MAML2: variants seen among roughly 807,000 people sequenced by gnomAD.
MAML2 encodes the protein mastermind-like protein 2.
MAML2 carries 22 observed loss-of-function variants against 96.1 expected under a neutral mutation model. The observed-to-expected ratio is 0.23, with a 90% CI of 0.16 to 0.33. The LOEUF is 0.33. Among genes scored for constraint, MAML2 ranks in the 10% least tolerant of loss-of-function variants. The pLI, the probability that MAML2 is intolerant of heterozygous loss-of-function variation, is 1.00. For missense variants in MAML2, 1,367 were observed against 1,392.4 expected, an observed-to-expected ratio of 0.98 and a Z score of 0.29; for synonymous variants, 561 against 521.3, an observed-to-expected ratio of 1.08 and a Z score of -1.04.
intron 1 of MAML2, among the ~76,000 whole-genome samples, chr11:96,189,610 A>G (rs969781569): frequency 6.6e-6 from 1 of 152,228 alleles, no homozygotes; most frequent in Non-Finnish European, 1.5e-5. Context: ...AGATTTACTC[A>G]TTCATGTCAT....
At chr11:96,258,917 G>A (rs1028966164) in intron 1 of MAML2, among the ~76,000 whole-genome samples, 2 of 152,156 alleles carry the variant, frequency 1.3e-5, no homozygotes, top group African/African-American at 2.4e-5. Context: ...TATACAGGAA[G>A]CTGTAGAAGG....
In MAML2 at chr11:96,342,057, G is replaced by T. The variant is rs930064227; in HGVS notation, c.-162C>A. The T allele has an allele frequency of 1.5e-6, 1 of 645,174 alleles. No individual in the cohort carries two copies. The highest frequency in any genetic ancestry group is 1.8e-5 in the African/African-American group (1 of 54,904). The allele number at this position is 645,174 out of a possible 1,614,324, so 40.0% of individuals were successfully genotyped here. On this transcript the variant is annotated 5_prime_UTR_variant, in exon 1 of 5. Coordinates refer to ENST00000524717, the MANE Select transcript of MAML2 (RefSeq NM_032427.4). ...TGGGGGAGCCGTGGAGAAGTTGTGG[G>T]GGAGGGGAGTTAGTAAAAAGAGGGT... is the stretch of plus-strand genomic sequence containing the variant.
chr11:96,307,703 T>A (rs1863484232), intron 1 of MAML2, among the ~76,000 whole-genome samples: 2 of 152,128 alleles, frequency 1.3e-5, no homozygotes, highest in Admixed American at 1.3e-4. Context: ...TACAGCAGAT[T>A]AAAGCAGCAC....
intron 1 of MAML2, among the ~76,000 whole-genome samples, chr11:96,250,414 A>G (rs1244917875): frequency 6.6e-6 from 1 of 152,190 alleles, no homozygotes; most frequent in Non-Finnish European, 1.5e-5. Flanking sequence ...GGGAACATAC[A>G]CTATCCGCCT....
intron 1 of MAML2, among the ~76,000 whole-genome samples, chr11:96,119,556 G>A (rs149355849): frequency 4.2e-4 from 64 of 152,282 alleles, no homozygotes; most frequent in African/African-American, 1.4e-3. Flanking sequence ...TATTTTAAGC[G>A]ACTCAATTTG....
At chr11:96,277,779 A>C (rs1339577751) in intron 1 of MAML2, among the ~76,000 whole-genome samples, 1 of 152,066 alleles carries the variant, frequency 6.6e-6, no homozygotes, top group Non-Finnish European at 1.5e-5. Context: ...AATAATTTAA[A>C]ATGGAATAAA....
intron 1 of MAML2, among the ~76,000 whole-genome samples, chr11:96,111,678 A>T (rs1440948081): frequency 6.6e-6 from 1 of 152,268 alleles, no homozygotes. Context: ...CTTGACAGTG[A>T]CATTGTCCCA....
In MAML2 at chr11:96,042,912, T is replaced by G. The variant is rs1233287051; in HGVS notation, c.2139+48980A>C. ...GGCATGTACCACCACACCCGGCTAA[T>G]TTTTTGTATTTTTAGTAGAGATGGG... On this transcript the variant is annotated intron_variant, in intron 2 of 4. Transcript: ENST00000524717. Among the ~76,000 whole-genome samples the G allele has an allele frequency of 2.6e-5, 4 of 152,034 alleles. No individual in the cohort carries two copies. The South Asian group carries it at 6.2e-4, about 24-fold the overall frequency.
chr11:96,003,966 C>A (rs1316860583), intron 2 of MAML2, among the ~76,000 whole-genome samples: 1 of 152,112 alleles, frequency 6.6e-6, no homozygotes, highest in East Asian at 1.9e-4. Context: ...ACCACTGCCT[C>A]TACCAACTAA....
intron 1 of MAML2, among the ~76,000 whole-genome samples, chr11:96,266,539 C>T (rs578132815): frequency 5.3e-5 from 8 of 151,942 alleles, no homozygotes; most frequent in Non-Finnish European, 2.9e-5. Flanking sequence ...CCACTGCACT[C>T]CACCCTGGGC....
chr11:96,088,447 A>C (rs1377600810), intron 2 of MAML2, among the ~76,000 whole-genome samples: 2 of 152,230 alleles, frequency 1.3e-5, no homozygotes, highest in Non-Finnish European at 2.9e-5. Context: ...ATGAGCCCTG[A>C]TCAGCCAATA....
intron 1 of MAML2, among the ~76,000 whole-genome samples, chr11:96,189,236 A>G (rs1251572449): frequency 2.6e-5 from 4 of 152,166 alleles, no homozygotes; most frequent in African/African-American, 9.7e-5. Context: ...CCATTATCCA[A>G]TTATAGCCAA....
At chr11:96,030,114 T>A (rs1858589606) in intron 2 of MAML2, among the ~76,000 whole-genome samples, 1 of 151,792 alleles carries the variant, frequency 6.6e-6, no homozygotes, top group Admixed American at 6.6e-5. Flanking sequence ...ACACCTGTAA[T>A]CCCTCAGCCT....
chr11:96,062,386 G>C (rs1326568567), intron 2 of MAML2, among the ~76,000 whole-genome samples: 1 of 152,206 alleles, frequency 6.6e-6, no homozygotes, highest in Admixed American at 6.5e-5. Context: ...CACAGCTGGA[G>C]GGGGTGTATA....
chr11:96,002,710 A>T (rs555148106), intron 2 of MAML2, among the ~76,000 whole-genome samples: 17 of 3,444 alleles, frequency 4.9e-3, no homozygotes, highest in Non-Finnish European at 1.0e-2. Context: ...TGGGGATGAT[A>T]AGGAGGACGA....
intron 1 of MAML2, among the ~76,000 whole-genome samples, chr11:96,180,819 G>A (rs941353409): frequency 2.0e-5 from 3 of 152,066 alleles, no homozygotes; most frequent in Non-Finnish European, 4.4e-5. Context: ...GGGTACAGGC[G>A]GGCTGAGTCC....
chr11:96,181,955 A>T (rs1861493304), intron 1 of MAML2, among the ~76,000 whole-genome samples: 1 of 152,170 alleles, frequency 6.6e-6, no homozygotes, highest in Non-Finnish European at 1.5e-5. Context: ...ACTCAGTTTT[A>T]TGTCTCATCT....
chr11:96,082,351 G>A (rs967769274), intron 2 of MAML2, among the ~76,000 whole-genome samples: 6 of 152,156 alleles, frequency 3.9e-5, no homozygotes, highest in African/African-American at 1.4e-4. Flanking sequence ...TGAAAGGTTT[G>A]CACTGTGCTG....
chr11:95,985,435 TA>T, intron 4 of MAML2, 95 bp downstream of exon 4: 1 of 684,752 alleles, frequency 1.5e-6, no homozygotes. Context: ...CTAAGAAAGA[TA>T]TTATAATCAT....
Sources: gnomAD v4.1 joint callset for allele counts (sites outside exome capture counted in the v4.1 genomes callset) on GRCh38, gnomAD v4.1.1 for gene constraint, MANE v1.5 for transcripts, NCBI Gene and HGNC (gene_info 2026-07-23, HGNC 2026-07-21) for gene names.